VAV3: variants seen among roughly 807,000 people sequenced by gnomAD.
VAV3 encodes the protein guanine nucleotide exchange factor VAV3.
In VAV3, 94 loss-of-function variants were observed where a neutral mutation model predicts 131.2. The observed-to-expected ratio is 0.72, with a 90% CI of 0.61 to 0.85. The LOEUF (loss-of-function observed/expected upper bound fraction) is 0.85, where lower values mean the gene tolerates loss of function less well. Ranked by LOEUF, VAV3 falls within the 40% of genes least tolerant of loss-of-function variation. The pLI is 0.00. For missense variants in VAV3, 939 were observed against 1,002.7 expected (o/e 0.94, Z 0.86); for synonymous variants, 349 against 342.0 (o/e 1.02, Z -0.22).
chr1:107,642,500 T>C lies in VAV3; in HGVS notation c.1914+119A>G, dbSNP rs758545410. ...GTAGCCATTCTTTTATTCCTTTACT[T>C]TCTTAATCAACTTGCTTTTGCTTTG... On this transcript the variant is annotated intron_variant, in intron 20 of 26. Transcript: ENST00000370056. 2.1e-4 allele frequency: 247 copies of C among 1,204,332 alleles called. 1 individual carries two copies. The highest frequency in any genetic ancestry group is 7.4e-4 in the South Asian group (52 of 70,322). 74.6% of individuals were successfully genotyped at this position (1,204,332 alleles called of 1,614,324 possible). A position where few individuals can be genotyped will look rare whatever the true frequency, so the allele number is the denominator to read the frequency against.
chr1:107,617,640 A>G lies in VAV3; in HGVS notation c.1915-8T>C, dbSNP rs774641784. The stretch of plus-strand genomic sequence containing the variant: ...AGATGCTAAATTTCTGCCCTAAGGA[A>G]AAAAAAAAAATGCCAGTGTTGAGAA... On this transcript the variant is annotated splice_region_variant and splice_polypyrimidine_tract_variant and intron_variant, in intron 20 of 26. Transcript: ENST00000370056. The G allele has an allele frequency of 1.7e-5, 19 of 1,146,064 alleles. No homozygotes were observed. Among genetic ancestry groups the G allele is most frequent in the South Asian group, 1.2e-4 (8 of 68,422 alleles). The allele number at this position is 1,146,064 out of a possible 1,614,324, so 71.0% of individuals were successfully genotyped here.
chr1:107,783,395 T>A (rs1665804214), intron 2 of VAV3, among the ~76,000 whole-genome samples: 1 of 151,982 alleles, frequency 6.6e-6, no homozygotes, highest in Admixed American at 6.6e-5. Flanking sequence ...ATGGCTGCAG[T>A]AGACAGGAAA....
chr1:107,830,353 C>T (rs1452805397), intron 2 of VAV3, among the ~76,000 whole-genome samples: 1 of 152,014 alleles, frequency 6.6e-6, no homozygotes, highest in East Asian at 1.9e-4. Flanking sequence ...CAGGCATGGA[C>T]CACCAAGATC....
intron 1 of VAV3, among the ~76,000 whole-genome samples, chr1:107,939,853 C>T (rs1014964259): frequency 1.3e-5 from 2 of 152,046 alleles, no homozygotes; most frequent in African/African-American, 2.4e-5. Flanking sequence ...TATCTCCCCC[C>T]ACCCCCATGC....
intron 1 of VAV3, among the ~76,000 whole-genome samples, chr1:107,917,897 G>C (rs1302822291): frequency 6.6e-6 from 1 of 152,114 alleles, no homozygotes; most frequent in Non-Finnish European, 1.5e-5. Context: ...TCAGATTTTG[G>C]AGTATTTTCA....
chr1:107,647,781 A>G lies in VAV3; in HGVS notation c.1778-5026T>C, dbSNP rs558600655. 8.5e-5 allele frequency among the ~76,000 whole-genome samples: 13 copies of G among 152,136 alleles called. No individual in the cohort carries two copies. In the East Asian group the frequency reaches 2.5e-3, roughly 29 times the overall value. On this transcript the variant is annotated intron_variant, in intron 19 of 26. Coordinates refer to ENST00000370056, the MANE Select transcript of VAV3 (RefSeq NM_006113.5). ...CCAAATTTGCTTTTGAGAAAATTAC[A>G]GTGAAATAAGTGCTGCCTGTCATCC... is the stretch of plus-strand genomic sequence containing the variant.
At chr1:107,658,543 G>T (rs1656757322) in intron 19 of VAV3, among the ~76,000 whole-genome samples, 1 of 152,026 alleles carries the variant, frequency 6.6e-6, no homozygotes, top group Non-Finnish European at 1.5e-5. Context: ...CACAATGGTT[G>T]AACTAGTTAA....
At chr1:107,718,099 CATACTGAATGGGAAA>C (rs1309768913) in intron 15 of VAV3, among the ~76,000 whole-genome samples, 1 of 152,114 alleles carries the variant, frequency 6.6e-6, no homozygotes, top group Admixed American at 6.6e-5. Context: ...CAGCCAATAT[CATACTGAATGGGAAA>C]AAACTGGAAG....
At chr1:107,828,229 G>A (rs951835910) in intron 2 of VAV3, among the ~76,000 whole-genome samples, 1 of 152,026 alleles carries the variant, frequency 6.6e-6, no homozygotes, top group East Asian at 1.9e-4. Flanking sequence ...GTTAAATATC[G>A]AGGAAGAAGA....
chr1:107,708,470 A>G (rs1660585179), intron 15 of VAV3, among the ~76,000 whole-genome samples: 1 of 152,210 alleles, frequency 6.6e-6, no homozygotes. Context: ...AGAACTCATT[A>G]TGAATATAAC....
chr1:107,840,376 C>T (rs909577886), intron 2 of VAV3, among the ~76,000 whole-genome samples: 1 of 152,122 alleles, frequency 6.6e-6, no homozygotes, highest in South Asian at 2.1e-4. Flanking sequence ...TTGATTGGCA[C>T]CACTTAAAGA....
chr1:107,920,915 C>T (rs1672866626), intron 1 of VAV3, among the ~76,000 whole-genome samples: 1 of 152,154 alleles, frequency 6.6e-6, no homozygotes, highest in Non-Finnish European at 1.5e-5. Flanking sequence ...CTCTTCACAT[C>T]TCACATGTGT....
chr1:107,725,503 C>G lies in VAV3; in HGVS notation c.1503-20442G>C, dbSNP rs147914739. ...CCAAACTTTTGAAGAGCTGGTTATG[C>G]TAGGCAAATTCATCATTATTATTAT... On this transcript the variant is annotated intron_variant, in intron 15 of 26. Coordinates refer to ENST00000370056, the MANE Select transcript of VAV3 (RefSeq NM_006113.5). Among the ~76,000 whole-genome samples the G allele has an allele frequency of 3.9e-3, 586 of 152,184 alleles. 7 individuals carry two copies. Among genetic ancestry groups the G allele is most frequent in the African/African-American group, 0.013 (550 of 41,520 alleles).
chr1:107,595,955 T>C (rs1486352134), intron 25 of VAV3, among the ~76,000 whole-genome samples: 2 of 152,138 alleles, frequency 1.3e-5, no homozygotes, highest in Non-Finnish European at 2.9e-5. Flanking sequence ...GAAATGTAAA[T>C]ATTAGCATAT....
intron 17 of VAV3, among the ~76,000 whole-genome samples, chr1:107,699,363 G>A (rs1291559039): frequency 6.6e-6 from 1 of 152,248 alleles, no homozygotes; most frequent in Non-Finnish European, 1.5e-5. Flanking sequence ...AGGTCACACC[G>A]ATGCAAGAGG....
intron 17 of VAV3, among the ~76,000 whole-genome samples, chr1:107,700,363 C>T (rs894227699): frequency 2.0e-5 from 3 of 152,120 alleles, no homozygotes; most frequent in East Asian, 3.8e-4. Flanking sequence ...CATAGGTAAA[C>T]GCGTGCCATG....
In VAV3 at chr1:107,606,028, T is replaced by C. The variant is rs189222848; in HGVS notation, c.2016-2865A>G. 1.8e-3 allele frequency among the ~76,000 whole-genome samples: 268 copies of C among 152,326 alleles called. 1 individual carries two copies. The highest frequency in any genetic ancestry group is 6.2e-3 in the African/African-American group (257 of 41,580). On this transcript the variant is annotated intron_variant, in intron 22 of 26. Coordinates refer to ENST00000370056, the MANE Select transcript of VAV3 (RefSeq NM_006113.5). ...TGCTCTACTAAGCCTGTTGAATTAC[T>C]GTAGTCCTGGGACTTCTCTTTGCTC...
In VAV3 at chr1:107,851,444, A is replaced by G. The variant is rs1369491105; in HGVS notation, c.321+23457T>C. 2.0e-5 allele frequency among the ~76,000 whole-genome samples: 3 copies of G among 150,978 alleles called. No homozygotes were observed. In the East Asian group the frequency reaches 5.8e-4, roughly 29 times the overall value. On this transcript the variant is annotated intron_variant, in intron 2 of 26. Transcript: ENST00000370056. The stretch of plus-strand genomic sequence containing the variant: ...ATTTTTGTTTCAATAGTGAATTTTC[A>G]TTTTATTTTCATTTTACCTTTAATC...
rs145672414 is a variant in VAV3 at position 107,728,817 on chromosome 1, C to A, written c.1502+20151G>T. On this transcript the variant is annotated intron_variant, in intron 15 of 26. Coordinates refer to ENST00000370056, the MANE Select transcript of VAV3 (RefSeq NM_006113.5). ...AAGAAACAATAATGCAAGCCGAGGG[C>A]GCAACTATAGAATTATAATTGTCAC... is the stretch of plus-strand genomic sequence containing the variant. 2.4e-4 allele frequency among the ~76,000 whole-genome samples: 37 copies of A among 152,086 alleles called. 1 individual carries two copies. In the East Asian group the frequency reaches 4.5e-3, roughly 18 times the overall value.
Sources: gnomAD v4.1 joint callset for allele counts (sites outside exome capture counted in the v4.1 genomes callset) on GRCh38, gnomAD v4.1.1 for gene constraint, MANE v1.5 for transcripts, NCBI Gene and HGNC (gene_info 2026-07-23, HGNC 2026-07-21) for gene names.